The following NLGN1 variants were observed in gnomAD, a reference collection of about 807,000 sequenced individuals.
NLGN1 encodes the protein neuroligin-1.
A neutral mutation model predicts 65.5 loss-of-function variants in NLGN1; 12 were observed. That is an observed-to-expected ratio of 0.18 (90% confidence interval 0.12 to 0.30). The LOEUF (loss-of-function observed/expected upper bound fraction) is 0.30, where lower values mean the gene tolerates loss of function less well. Ranked by LOEUF, NLGN1 falls within the 10% of genes least tolerant of loss-of-function variation. The pLI, the probability that NLGN1 is intolerant of heterozygous loss-of-function variation, is 1.00. For missense variants in NLGN1, 750 were observed against 1,007.1 expected (o/e 0.74, Z 3.46); for synonymous variants, 350 against 359.5 (o/e 0.97, Z 0.30).
intron 3 of NLGN1, among the ~76,000 whole-genome samples, chr3:173,677,938 A>G (rs1262753923): frequency 2.0e-5 from 3 of 152,158 alleles, no homozygotes; most frequent in African/African-American, 7.2e-5. Flanking sequence ...CTTTGACACC[A>G]TGACGTAGTG....
In NLGN1 at chr3:174,236,853, T is replaced by G. The variant is rs189824021; in HGVS notation, c.647-38462T>G. Reference sequence around the variant, plus strand: ...ATTTTCCTAGTTTTTATTATATAGATTCTATGGCTTACTTTTAGTTTCCCA... The same window carrying G: ...ATTTTCCTAGTTTTTATTATATAGAGTCTATGGCTTACTTTTAGTTTCCCA... On this transcript the variant is annotated intron_variant, in intron 4 of 6. Transcript: ENST00000457714. Among the ~76,000 whole-genome samples, 33 of 152,248 alleles carry G rather than the reference T, an allele frequency of 2.2e-4. No individual in the cohort carries two copies. The East Asian group carries it at 5.8e-3, about 27-fold the overall frequency.
Position 173,677,228 on chromosome 3 carries a change from G to A in NLGN1, c.493+72137G>A, listed in dbSNP as rs747098432. Among the ~76,000 whole-genome samples, 89 of 152,066 alleles carry A rather than the reference G, an allele frequency of 5.9e-4. No individual in the cohort carries two copies. The Middle Eastern group carries it at 0.014, about 23-fold the overall frequency. On this transcript the variant is annotated intron_variant, in intron 3 of 6. Transcript: ENST00000457714. ...TCTGAAGACCAAGATTTACACCCAG[G>A]AATACAAATCAGAACTCGATTATAT...
intron 3 of NLGN1, among the ~76,000 whole-genome samples, chr3:173,798,217 CT>C (rs1375952869): frequency 6.6e-6 from 1 of 152,040 alleles, no homozygotes; most frequent in Non-Finnish European, 1.5e-5. Context: ...AGTAATTTAA[CT>C]AAAATTGGAA....
At chr3:173,496,214 T>TAATA in intron 2 of NLGN1, among the ~76,000 whole-genome samples, 1 of 151,856 alleles carries the variant, frequency 6.6e-6, no homozygotes, top group Middle Eastern at 3.4e-3. Flanking sequence ...AGTCAGTCCT[T>TAATA]TATTGAGTGT....
chr3:173,405,949 A>G (rs1245350806), intron 1 of NLGN1, among the ~76,000 whole-genome samples: 2 of 152,174 alleles, frequency 1.3e-5, no homozygotes, highest in Admixed American at 1.3e-4. Context: ...TACACATTTA[A>G]GTTAGTATGA....
chr3:174,211,339 C>T (rs972533111), intron 4 of NLGN1, among the ~76,000 whole-genome samples: 4 of 151,974 alleles, frequency 2.6e-5, no homozygotes, highest in African/African-American at 7.3e-5. Context: ...CTGATTGGTG[C>T]GTTTACAATC....
intron 4 of NLGN1, among the ~76,000 whole-genome samples, chr3:173,923,403 T>C (rs948962724): frequency 6.6e-6 from 1 of 152,150 alleles, no homozygotes; most frequent in Admixed American, 6.6e-5. Context: ...CTAAAATGAA[T>C]TGGCCAGAAT....
At chr3:173,426,408 C>G (rs1380345125) in intron 1 of NLGN1, among the ~76,000 whole-genome samples, 2 of 151,890 alleles carry the variant, frequency 1.3e-5, no homozygotes, top group East Asian at 3.9e-4. Context: ...TTTTCGTTTT[C>G]CAAATTTGAC....
At chr3:174,063,899 A>C (rs757613928) in intron 4 of NLGN1, among the ~76,000 whole-genome samples, 3 of 152,024 alleles carry the variant, frequency 2.0e-5, no homozygotes, top group Non-Finnish European at 4.4e-5. Flanking sequence ...TAAATAAATA[A>C]AAACAAGGGG....
chr3:174,106,486 C>T (rs937043659), intron 4 of NLGN1, among the ~76,000 whole-genome samples: 3 of 152,034 alleles, frequency 2.0e-5, no homozygotes, highest in Non-Finnish European at 2.9e-5. Context: ...ATTGTGTTCA[C>T]ATATTCAAAG....
At chr3:174,193,916 TA>T (rs1372518896) in intron 4 of NLGN1, among the ~76,000 whole-genome samples, 1 of 152,152 alleles carries the variant, frequency 6.6e-6, no homozygotes, top group African/African-American at 2.4e-5. Context: ...ATTTTATTTT[TA>T]AAAATTAATT....
At chr3:173,523,634 A>T (rs1157384089) in intron 2 of NLGN1, among the ~76,000 whole-genome samples, 1 of 151,616 alleles carries the variant, frequency 6.6e-6, no homozygotes, top group Non-Finnish European at 1.5e-5. Context: ...TTGTACCAAT[A>T]CCACGCTGTT....
intron 4 of NLGN1, among the ~76,000 whole-genome samples, chr3:173,881,434 T>G (rs1042846585): frequency 2.6e-4 from 36 of 138,716 alleles, no homozygotes; most frequent in African/African-American, 9.2e-4. Context: ...TTTTTTTTTT[T>G]TTTTTTTTGA....
chr3:173,436,173 T>C (rs1718109876), intron 2 of NLGN1, among the ~76,000 whole-genome samples: 1 of 152,236 alleles, frequency 6.6e-6, no homozygotes, highest in Non-Finnish European at 1.5e-5. Context: ...ATTTAGCCTT[T>C]GCTAAGAAAT....
chr3:173,419,996 A>G (rs1188359468), intron 1 of NLGN1, among the ~76,000 whole-genome samples: 1 of 150,168 alleles, frequency 6.7e-6, no homozygotes, highest in East Asian at 2.0e-4. Context: ...ATAAAATAAA[A>G]TAAAGTAAAA....
At chr3:173,958,457 C>A (rs1712685145) in intron 4 of NLGN1, among the ~76,000 whole-genome samples, 1 of 151,498 alleles carries the variant, frequency 6.6e-6, no homozygotes, top group African/African-American at 2.4e-5. Flanking sequence ...GGCTGATTGT[C>A]CACTCATTTA....
rs1173512441 is a variant in NLGN1 at position 173,673,882 on chromosome 3, A to G, written c.493+68791A>G. On this transcript the variant is annotated intron_variant, in intron 3 of 6. Coordinates refer to ENST00000457714, the Ensembl canonical transcript of NLGN1. ...CACTCCACAATGTGTGAGTGGGCCC[A>G]AGCATAGGGGCTCAAAGGCTCCATT... is the stretch of plus-strand genomic sequence containing the variant. Among the ~76,000 whole-genome samples the G allele has an allele frequency of 2.0e-5, 3 of 152,300 alleles. No individual in the cohort carries two copies. In the East Asian group the frequency reaches 5.8e-4, roughly 29 times the overall value.
In NLGN1 at chr3:173,964,680, C is replaced by T. The variant is rs114202431; in HGVS notation, c.646+156848C>T. Among the ~76,000 whole-genome samples the T allele has an allele frequency of 9.9e-3, 1,510 of 152,184 alleles. 34 individuals carry two copies. The highest frequency in any genetic ancestry group is 0.034 in the African/African-American group (1,400 of 41,512). On this transcript the variant is annotated intron_variant, in intron 4 of 6. Transcript: ENST00000457714. ...TATGAATCAAATGTAATTTTGACTT[C>T]TAATTTTTAATAATGGTTCTTCCAA...
chr3:173,582,991 C>T (rs1746640829), intron 2 of NLGN1, among the ~76,000 whole-genome samples: 1 of 152,130 alleles, frequency 6.6e-6, no homozygotes, highest in South Asian at 2.1e-4. Flanking sequence ...AATATGTCAT[C>T]TTCCCTCAGT....
Sources: allele counts gnomAD v4.1 joint callset (sites outside exome capture counted in the v4.1 genomes callset), GRCh38; gene constraint gnomAD v4.1.1; transcripts MANE v1.5; gene names NCBI Gene and HGNC (gene_info 2026-07-23, HGNC 2026-07-21).